The following HYCC2 variants were observed in gnomAD, a reference collection of about 807,000 sequenced individuals.
The protein encoded by HYCC2 is hyccin 2.
At chr2:201,032,195 C>G in the HYCC2 span, among the ~76,000 whole-genome samples, 1 of 152,168 alleles carries the variant, frequency 6.6e-6, no homozygotes, top group East Asian at 1.9e-4. Context: ...CTCCTGACTT[C>G]AAGTGATCAG....
the HYCC2 span, among the ~76,000 whole-genome samples, chr2:201,011,662 A>T: frequency 1.3e-5 from 2 of 152,242 alleles, no homozygotes; most frequent in African/African-American, 4.8e-5. Flanking sequence ...TTGGTAGTAC[A>T]GTTATAATCC....
chr2:201,015,204 A>G, the HYCC2 span, among the ~76,000 whole-genome samples: 172 of 152,300 alleles, frequency 1.1e-3, no homozygotes, highest in Non-Finnish European at 2.2e-3. Context: ...TGTGCTGCCC[A>G]AGTCTTCAGA....
At chr2:201,017,317 T>G in the HYCC2 span, 4 of 636,806 alleles carry the variant, frequency 6.3e-6, no homozygotes, top group African/African-American at 1.8e-5. Flanking sequence ...AAAACCTTTG[T>G]GTAAAGAGAC....
chr2:201,010,785 T>C, the HYCC2 span, among the ~76,000 whole-genome samples: 1 of 151,638 alleles, frequency 6.6e-6, no homozygotes, highest in Non-Finnish European at 1.5e-5. Context: ...ATTTAAAAAA[T>C]TAAAAATAAA....
At chr2:201,028,895 T>C in the HYCC2 span, among the ~76,000 whole-genome samples, 7 of 152,184 alleles carry the variant, frequency 4.6e-5, no homozygotes, top group East Asian at 1.9e-4. Flanking sequence ...ATTCAGGACA[T>C]AGGCATGGGC....
the HYCC2 span, chr2:201,008,970 T>C: frequency 8.9e-6 from 14 of 1,580,132 alleles, no homozygotes; most frequent in East Asian, 3.1e-4. Context: ...TTTTGACCAT[T>C]ACCGGTTCTG....
chr2:201,009,982 T>C, the HYCC2 span, among the ~76,000 whole-genome samples: 1 of 151,510 alleles, frequency 6.6e-6, no homozygotes, highest in South Asian at 2.1e-4. Context: ...CATGCACCTG[T>C]AGTCCCAGCT....
At chr2:201,037,758 C>T in the HYCC2 span, among the ~76,000 whole-genome samples, 1 of 152,166 alleles carries the variant, frequency 6.6e-6, no homozygotes, top group African/African-American at 2.4e-5. Context: ...GGATTAAAGA[C>T]TTAAATGTTA....
the HYCC2 span, among the ~76,000 whole-genome samples, chr2:201,023,099 A>G: frequency 1.3e-5 from 2 of 152,254 alleles, no homozygotes; most frequent in Admixed American, 1.3e-4. Context: ...CTGGAATCCC[A>G]GCAGTTTGGG....
the HYCC2 span, chr2:200,979,048 T>A: frequency 3.3e-5 from 5 of 152,032 alleles, no homozygotes; most frequent in African/African-American, 1.2e-4. Context: ...TTTTATTTAT[T>A]TTTAATTTTT....
chr2:201,027,497 CAG>C, the HYCC2 span, among the ~76,000 whole-genome samples: 1 of 152,100 alleles, frequency 6.6e-6, no homozygotes, highest in African/African-American at 2.4e-5. Context: ...CAAAGCCTGG[CAG>C]AGACACAACA....
At chr2:201,042,037 G>A in the HYCC2 span, among the ~76,000 whole-genome samples, 3 of 151,708 alleles carry the variant, frequency 2.0e-5, no homozygotes, top group Non-Finnish European at 4.4e-5. Context: ...CCGCCATCTC[G>A]GCTCACTGCA....
the HYCC2 span, among the ~76,000 whole-genome samples, chr2:201,039,306 G>A: frequency 3.3e-5 from 5 of 152,162 alleles, no homozygotes; most frequent in African/African-American, 4.8e-5. Context: ...GCATATAGCA[G>A]GCATCCAATC....
chr2:200,981,230 G>C, the HYCC2 span: 1 of 1,593,896 alleles, frequency 6.3e-7, no homozygotes, highest in East Asian at 2.2e-5. The surrounding 1 kb of genome is among the most constrained non-coding windows in gnomAD (Gnocchi z 4.5). Context: ...GAAATGTTCA[G>C]TTTAAAAGGT....
chr2:201,012,952 T>TACAC, the HYCC2 span, among the ~76,000 whole-genome samples: 107 of 146,416 alleles, frequency 7.3e-4, no homozygotes, highest in East Asian at 1.2e-3. Context: ...TTTCAAAAAA[T>TACAC]ACACACACAC....
At chr2:200,988,286 G>A in the HYCC2 span, 7 of 1,611,684 alleles carry the variant, frequency 4.3e-6, no homozygotes, top group African/African-American at 1.3e-5. Context: ...CTATGACGAC[G>A]GATTGAAGCT....
chr2:201,036,383 A>G, the HYCC2 span, among the ~76,000 whole-genome samples: 1 of 152,212 alleles, frequency 6.6e-6, no homozygotes, highest in South Asian at 2.1e-4. Flanking sequence ...ATCCTCCCTA[A>G]CTCATTTTAT....
the HYCC2 span, chr2:201,064,003 T>C: frequency 2.3e-5 from 37 of 1,597,036 alleles, no homozygotes; most frequent in Middle Eastern, 7.7e-4. Context: ...AAGGTGGCTA[T>C]GGCGGTTCCA....
At chr2:200,973,756 T>C in the HYCC2 span, 1 of 152,240 alleles carries the variant, frequency 6.6e-6, no homozygotes, top group East Asian at 1.9e-4. Flanking sequence ...TTTTATACTG[T>C]ACAAAAAAAT....
Sources: allele counts gnomAD v4.1 joint callset (sites outside exome capture counted in the v4.1 genomes callset), GRCh38; gene constraint gnomAD v4.1.1; non-coding constraint Gnocchi (gnomAD v3.1); transcripts MANE v1.5; gene names NCBI Gene and HGNC (gene_info 2026-07-23, HGNC 2026-07-21).